Variants in NGFR observed in about 807,000 individuals in gnomAD.
NGFR encodes the protein nerve growth factor receptor, also known as tumor necrosis factor receptor superfamily member 16.
In NGFR, 30 loss-of-function variants were observed where a neutral mutation model predicts 43.2. The observed-to-expected ratio is 0.69, with a 90% confidence interval of 0.52 to 0.94. The LOEUF (loss-of-function observed/expected upper bound fraction) is 0.94, where lower values mean the gene tolerates loss of function less well. Ranked by LOEUF, NGFR falls within the 40% of genes least tolerant of loss-of-function variation. The probability of loss-of-function intolerance (pLI) is 0.00; values close to 1 mark genes in which losing one functional copy is unlikely to be tolerated. For synonymous variants in NGFR, 246 were observed against 259.6 expected (o/e 0.95, Z 0.50); for missense variants, 529 against 602.5 (o/e 0.88, Z 1.28).
chr17:49,511,776 T>G (rs1597864599), intron 4 of NGFR, 116 bp from the exon 5 acceptor site: 1 of 1,242,110 alleles, frequency 8.1e-7, no homozygotes, highest in Non-Finnish European at 1.1e-6. Context: ...GGGGTGGCGG[T>G]TATAATTGGG....
chr17:49,499,972 T>C (rs530028489), intron 1 of NGFR, among the ~76,000 whole-genome samples: 3 of 151,300 alleles, frequency 2.0e-5, no homozygotes, highest in African/African-American at 7.3e-5. Flanking sequence ...GGGGGAAGGG[T>C]TGCTTCAGGT....
Position 49,513,138 on chromosome 17 carries a change from C to T in NGFR, c.*129C>T, listed in dbSNP as rs1465526994. 9.7e-7 allele frequency: 1 copy of T among 1,027,084 alleles called. No homozygotes were observed. The highest frequency in any genetic ancestry group is 1.6e-5 in the African/African-American group (1 of 61,736). 63.6% of individuals were successfully genotyped at this position (1,027,084 alleles called of 1,614,324 possible). On this transcript the variant is annotated 3_prime_UTR_variant, in exon 6 of 6. Coordinates refer to ENST00000172229, the MANE Select transcript of NGFR (RefSeq NM_002507.4). ...CAGAACTGAGCTCCTCTGGGCAGGA[C>T]CTCAGAGTCCAGGCCCCAAAACCAC...
intron 1 of NGFR, 64 bp from the exon 2 acceptor site, chr17:49,501,999 A>AGCGCCCCCCCCCCCCC: frequency 3.0e-6 from 1 of 330,982 alleles, no homozygotes; most frequent in Non-Finnish European, 5.9e-6. Flanking sequence ...TCCCCGGAAG[A>AGCGCCCCCCCCCCCCC]ACCCCCCCCA....
At position 49,511,903 on chromosome 17, in the gene NGFR, G is replaced by T. The variant is rs1019423732; in HGVS notation, c.833G>T (p.Cys278Phe). 4.4e-6 allele frequency: 7 copies of T among 1,608,316 alleles called. No individual in the cohort carries two copies. In the African/African-American group the frequency reaches 9.4e-5, roughly 21 times the overall value. Residue 278 changes from cysteine (C) to phenylalanine (F), a missense_variant, in exon 5 of 6, where the codon TGC (cysteine) becomes TTC (phenylalanine). Transcript: ENST00000172229. ...AYIAFKRWNS[C>F]KQNKQGANSR... is the part of the protein sequence containing the mutation. ...TCCTCTGGCTCCAGGTGGAACAGCT[G>T]CAAGCAGAACAAGCAAGGAGCCAAC...
rs1187907007 is a variant in NGFR, at chr17:49,495,626, G to C, written c.66+143G>C. On this transcript the variant is annotated intron_variant, in intron 1 of 5. Coordinates refer to ENST00000172229, the MANE Select transcript of NGFR (RefSeq NM_002507.4). The surrounding 1 kb of genome is among the most constrained non-coding windows in gnomAD (Gnocchi z 6.4). ...GTGGTGGGAAAGGACCTCTGATGCC[G>C]GGACCACGAAGGAGGGTCTAGGGTT... 5.5e-6 allele frequency: 4 copies of C among 731,572 alleles called. No homozygotes were observed. Among genetic ancestry groups the C allele is most frequent in the Non-Finnish European group, 7.6e-6 (4 of 529,222 alleles). 45.3% of individuals were successfully genotyped at this position (731,572 alleles called of 1,614,324 possible). A position where few individuals can be genotyped will look rare whatever the true frequency, so the allele number is the denominator to read the frequency against.
intron 3 of NGFR, 46 bp downstream of exon 3, chr17:49,506,704 G>GGGGGGGGGC: frequency 2.7e-6 from 2 of 737,234 alleles, no homozygotes; most frequent in Non-Finnish European, 3.9e-6. Flanking sequence ...GCGGGGGTGG[G>GGGGGGGGGC]CTGGGGGCAT....
chr17:49,510,506 A>G lies in NGFR; in HGVS notation c.663A>G (p.Gln221=), dbSNP rs1222083690. The change falls in exon 4 of 6, where the codon CAA becomes CAG. Residue 221 remains glutamine (Q), a synonymous_variant. Transcript: ENST00000172229. The part of the protein sequence containing the change: ...STQEPEAPPE[Q]DLIASTVAGV... ...AGGAGCCTGAGGCACCTCCAGAACA[A>G]GACCTCATAGCCAGCACGGTGGCAG... The G allele has an allele frequency of 2.5e-6, 4 of 1,614,076 alleles. No homozygotes were observed. The Admixed American group carries it at 6.7e-5, about 27-fold the overall frequency.
chr17:49,502,086 G>A lies in NGFR; in HGVS notation c.90G>A (p.Glu30=). The A allele has an allele frequency of 1.3e-6, 2 of 1,583,002 alleles. No individual in the cohort carries two copies. The highest frequency in any genetic ancestry group is 1.7e-6 in the Non-Finnish European group (2 of 1,159,040). Residue 30 remains glutamate (E), a synonymous_variant, in exon 2 of 6, where the codon GAG becomes GAA. Coordinates refer to ENST00000172229, the MANE Select transcript of NGFR (RefSeq NM_002507.4). ...LLGVSLGGAK[E]ACPTGLYTHS... ...AGGTGTCCCTTGGAGGTGCCAAGGA[G>A]GCATGCCCCACAGGCCTGTACACAC... is the stretch of plus-strand genomic sequence containing the variant.
chr17:49,496,814 C>G (rs2071141164), intron 1 of NGFR: 1 of 152,218 alleles, frequency 6.6e-6, no homozygotes, highest in South Asian at 2.1e-4. Context: ...CGCGGTATCC[C>G]GGGCCACCGA....
intron 3 of NGFR, among the ~76,000 whole-genome samples, chr17:49,508,749 C>T (rs1405864506): frequency 1.3e-5 from 2 of 152,142 alleles, no homozygotes; most frequent in East Asian, 3.9e-4. Context: ...TGGATCTCAT[C>T]CCCCCGCCCC....
intron 2 of NGFR, among the ~76,000 whole-genome samples, chr17:49,503,104 G>A (rs1281940899): frequency 1.3e-5 from 2 of 152,156 alleles, no homozygotes; most frequent in Non-Finnish European, 2.9e-5. Context: ...ATTTGTAGTA[G>A]AGATGGGGTT....
In NGFR at chr17:49,514,012, G is replaced by A. The variant is rs571379164; in HGVS notation, c.*1003G>A. ...CACTGGCCCCTAGAATCAGCCTAGG[G>A]GTCAGGGACCAAGGACCCCTCACCT... is the stretch of plus-strand genomic sequence containing the variant. On this transcript the variant is annotated 3_prime_UTR_variant, in exon 6 of 6. Transcript: ENST00000172229. The A allele has an allele frequency of 6.6e-6, 1 of 152,344 alleles. No homozygotes were observed. The highest frequency in any genetic ancestry group is 6.5e-5 in the Admixed American group (1 of 15,296). The allele number at this position is 152,344 out of a possible 1,614,324, so 9.4% of individuals were successfully genotyped here. A position where few individuals can be genotyped will look rare whatever the true frequency, so the allele number is the denominator to read the frequency against.
chr17:49,506,609 C>G lies in NGFR; in HGVS notation c.519C>G (p.Thr173=), dbSNP rs778456477. ...TGCCCTGCACCGTGTGCGAGGACAC[C>G]GAGCGCCAGCTCCGCGAGTGCACAC... ...PCLPCTVCED[T]ERQLRECTRW... is the part of the protein sequence containing the mutation. The change falls in exon 3 of 6, where the codon ACC becomes ACG. Residue 173 remains threonine (T), a synonymous_variant. Coordinates refer to ENST00000172229, the MANE Select transcript of NGFR (RefSeq NM_002507.4). 1 of 1,601,454 alleles carries G rather than the reference C, an allele frequency of 6.2e-7. No homozygotes were observed. Among genetic ancestry groups the G allele is most frequent in the Admixed American group, 1.7e-5 (1 of 59,378 alleles).
chr17:49,506,512 A>G lies in NGFR; in HGVS notation c.422A>G (p.Lys141Arg), dbSNP rs2071199073. 1.2e-6 allele frequency: 2 copies of G among 1,611,740 alleles called. No homozygotes were observed. The highest frequency in any genetic ancestry group is 8.5e-7 in the Non-Finnish European group (1 of 1,179,574). The change falls in exon 3 of 6, where the codon AAG becomes AGG. Residue 141 changes from lysine to arginine, a missense_variant. Lys to Arg is a conservative substitution (Grantham distance 26). Transcript: ENST00000172229. ...GGCCTCGTGTTCTCCTGCCAGGACAAGCAGAACACCGTGTGCGAGGAGTGC... is the reference window on the plus strand; with the variant it reads ...GGCCTCGTGTTCTCCTGCCAGGACAGGCAGAACACCGTGTGCGAGGAGTGC... The part of the protein sequence containing the change: ...GSGLVFSCQD[K>R]QNTVCEECPD...
At chr17:49,507,300 T>A (rs1222345339) in intron 3 of NGFR, among the ~76,000 whole-genome samples, 6 of 152,160 alleles carry the variant, frequency 3.9e-5, no homozygotes, top group Admixed American at 3.9e-4. Context: ...CTGGCCCACT[T>A]CAGCTTGCCC....
rs781110983 is a variant in NGFR, at chr17:49,510,463, G to A, written c.620G>A (p.Ser207Asn). 1 of 1,614,102 alleles carries A rather than the reference G, an allele frequency of 6.2e-7. No homozygotes were observed. The change falls in exon 4 of 6, where the codon AGC becomes AAC. Residue 207 changes from serine (S) to asparagine (N), a missense_variant. Ser to Asn is a conservative substitution (Grantham distance 46). Transcript: ENST00000172229. ...TCCACACCCCCAGAGGGCTCGGACA[G>A]CACAGCCCCCAGCACCCAGGAGCCT... is the stretch of plus-strand genomic sequence containing the variant. ...TRSTPPEGSDSTAPSTQEPEA... is the reference protein window; with the variant it reads ...TRSTPPEGSDNTAPSTQEPEA...
chr17:49,499,909 C>T (rs138832243), intron 1 of NGFR, among the ~76,000 whole-genome samples: 7 of 152,186 alleles, frequency 4.6e-5, no homozygotes, highest in Non-Finnish European at 8.8e-5. Context: ...TCTACCAAGG[C>T]GAGTTCCACA....
At chr17:49,506,158 T>G in intron 2 of NGFR, 141 bp from the exon 3 acceptor site, 3 of 1,431,966 alleles carry the variant, frequency 2.1e-6, no homozygotes, top group Non-Finnish European at 2.7e-6. Flanking sequence ...CAGGGTCCCT[T>G]GGAAGAGGGT....
intron 2 of NGFR, among the ~76,000 whole-genome samples, chr17:49,504,435 C>T (rs2071184370): frequency 6.6e-6 from 1 of 152,242 alleles, no homozygotes; most frequent in Non-Finnish European, 1.5e-5. Context: ...GTCCTCATCG[C>T]TCTCCACCCC....
Sources: gnomAD v4.1 joint callset for allele counts (sites outside exome capture counted in the v4.1 genomes callset) on GRCh38, gnomAD v4.1.1 for gene constraint, Gnocchi (gnomAD v3.1) non-coding constraint, MANE v1.5 for transcripts, NCBI Gene and HGNC (gene_info 2026-07-23, HGNC 2026-07-21) for gene names.